The following PARP14 variants were observed in gnomAD, a reference collection of about 807,000 sequenced individuals.
The protein encoded by PARP14 is poly(ADP-ribose) polymerase family member 14, also known as protein mono-ADP-ribosyltransferase PARP14.
In PARP14, 59 loss-of-function variants were observed where a neutral mutation model predicts 154.2. The observed-to-expected ratio is 0.38, with a 90% CI of 0.31 to 0.48. The LOEUF (loss-of-function observed/expected upper bound fraction) is 0.48. Ranked by LOEUF, PARP14 falls within the 20% of genes least tolerant of loss-of-function variation. The probability of loss-of-function intolerance (pLI) is 0.98; values close to 1 mark genes in which losing one functional copy is unlikely to be tolerated. For missense variants in PARP14, 1,734 were observed against 2,131.6 expected (o/e 0.81, Z 3.67); for synonymous variants, 720 against 780.5 (o/e 0.92, Z 1.29).
intron 11 of PARP14, among the ~76,000 whole-genome samples, 148 bp from the exon 12 acceptor site, chr3:122,714,109 AAAGTT>A (rs1360846346): frequency 1.3e-5 from 2 of 152,234 alleles, no homozygotes; most frequent in Non-Finnish European, 2.9e-5. Context: ...AGTTAAAAGT[AAAGTT>A]AAGTCATAGC....
chr3:122,681,121 C>G lies in PARP14; in HGVS notation c.187+51C>G. ...GGAGGGGGCACCTCTGCCCTCCCTC[C>G]AGGGAAATGGCGGCAGGGCACGCAC... On this transcript the variant is annotated intron_variant, in intron 1 of 16. Coordinates refer to ENST00000474629, the MANE Select transcript of PARP14 (RefSeq NM_017554.3). This position sits in a 1 kb window ranked among gnomAD's most constrained non-coding sequence, Gnocchi z 5.5. 1 of 1,427,266 alleles carries G rather than the reference C, an allele frequency of 7.0e-7. No individual in the cohort carries two copies. Among genetic ancestry groups the G allele is most frequent in the South Asian group, 1.2e-5 (1 of 84,240 alleles). 88.4% of individuals were successfully genotyped at this position (1,427,266 alleles called of 1,614,324 possible).
chr3:122,723,007 C>T (rs927661186), intron 15 of PARP14, among the ~76,000 whole-genome samples: 1 of 151,668 alleles, frequency 6.6e-6, no homozygotes, highest in African/African-American at 2.4e-5. Context: ...GCGATCTTGG[C>T]TCACTGCAAC....
At chr3:122,689,226 C>G (rs1396392851) in intron 3 of PARP14, among the ~76,000 whole-genome samples, 1 of 152,212 alleles carries the variant, frequency 6.6e-6, no homozygotes, top group Non-Finnish European at 1.5e-5. Context: ...CTGGCTTCCT[C>G]ATTTCTCTTG....
chr3:122,708,524 G>A (rs1939230176), intron 9 of PARP14, among the ~76,000 whole-genome samples: 1 of 152,164 alleles, frequency 6.6e-6, no homozygotes, highest in African/African-American at 2.4e-5. Context: ...ATTTCCTGAG[G>A]AGAATGTGAC....
At chr3:122,686,399 C>T (rs1448551312) in intron 2 of PARP14, among the ~76,000 whole-genome samples, 1 of 152,180 alleles carries the variant, frequency 6.6e-6, no homozygotes, top group African/African-American at 2.4e-5. Context: ...ATGTGATCCA[C>T]TTGCCTTGGC....
intron 12 of PARP14, among the ~76,000 whole-genome samples, chr3:122,715,235 A>C (rs531369859): frequency 6.6e-6 from 1 of 152,078 alleles, no homozygotes; most frequent in Non-Finnish European, 1.5e-5. Flanking sequence ...ATGCATTCTT[A>C]GGCTTGAAGT....
At position 122,703,834 on chromosome 3, in the gene PARP14, C is replaced by T. The variant is rs753057524; in HGVS notation, c.3174C>T (p.Leu1058=). Residue 1058 remains leucine, a synonymous_variant, in exon 7 of 17, where the codon CTC becomes CTT. Transcript: ENST00000474629. ...KSLLEKAGPE[L]QEELDTVGQG... ...TCTTGGAAAAAGCTGGACCAGAGCT[C>T]CAGGAGGAATTGGACACAGTTGGAC... 65 of 1,613,802 alleles carry T rather than the reference C, an allele frequency of 4.0e-5. No individual in the cohort carries two copies. The highest frequency in any genetic ancestry group is 3.3e-4 in the Middle Eastern group (2 of 6,084).
At chr3:122,709,506 G>A (rs1054022559) in intron 9 of PARP14, among the ~76,000 whole-genome samples, 3 of 152,170 alleles carry the variant, frequency 2.0e-5, no homozygotes, top group African/African-American at 7.2e-5. Context: ...CTATAAACAT[G>A]TGTGTGTATG....
chr3:122,697,675 T>G (rs946492355), intron 5 of PARP14, among the ~76,000 whole-genome samples: 14 of 152,244 alleles, frequency 9.2e-5, no homozygotes, highest in Admixed American at 8.5e-4. Context: ...TACTGTAAAA[T>G]TATTTGGTTC....
In PARP14 at chr3:122,718,846, A is replaced by G; in HGVS notation, c.4695A>G (p.Lys1565=). ...AGGATGCAAGGAGAGAAAAGAAAAA[A>G]ACAGTTGATGTCAAAATTAATCATC... The part of the protein sequence containing the change: ...KLEDARREKK[K]TVDVKINHRH... Residue 1565 remains lysine, a synonymous_variant, in exon 14 of 17, where the codon AAA becomes AAG. Coordinates refer to ENST00000474629, the MANE Select transcript of PARP14 (RefSeq NM_017554.3). The G allele has an allele frequency of 6.2e-7, 1 of 1,614,026 alleles. No homozygotes were observed.
At position 122,726,561 on chromosome 3, in the gene PARP14, T is replaced by C. The variant is rs147412113; in HGVS notation, c.4942-1251T>C. On this transcript the variant is annotated intron_variant, in intron 15 of 16. Transcript: ENST00000474629. ...TCTGATAAAAGTAATCTACCCTGGCTAGACATCTGCTGCTAATAATAAACC... is the reference window on the plus strand; with the variant it reads ...TCTGATAAAAGTAATCTACCCTGGCCAGACATCTGCTGCTAATAATAAACC... Among the ~76,000 whole-genome samples, 15 of 152,340 alleles carry C rather than the reference T, an allele frequency of 9.8e-5. No individual in the cohort carries two copies. In the East Asian group the frequency reaches 2.9e-3, roughly 29 times the overall value.
At chr3:122,696,301 G>T (rs1229627576) in intron 5 of PARP14, among the ~76,000 whole-genome samples, 1 of 152,184 alleles carries the variant, frequency 6.6e-6, no homozygotes, top group Non-Finnish European at 1.5e-5. Context: ...GAATTAGGGG[G>T]CCAGGCTTCT....
chr3:122,697,297 C>T (rs528328307), intron 5 of PARP14, among the ~76,000 whole-genome samples: 3 of 152,282 alleles, frequency 2.0e-5, no homozygotes, highest in Admixed American at 6.5e-5. Context: ...TGCATAGCTT[C>T]GCAGGTTATT....
chr3:122,719,153 C>A (rs1171618047), intron 14 of PARP14, among the ~76,000 whole-genome samples, 195 bp downstream of exon 14: 1 of 152,162 alleles, frequency 6.6e-6, no homozygotes, highest in East Asian at 1.9e-4. Context: ...TACCCAAAAG[C>A]CTGAAGATGA....
At chr3:122,686,186 C>A (rs1393887030) in intron 2 of PARP14, among the ~76,000 whole-genome samples, 2 of 152,196 alleles carry the variant, frequency 1.3e-5, no homozygotes, top group East Asian at 3.8e-4. Context: ...CAGGGTCTCA[C>A]TCTGTTGCCC....
At chr3:122,693,254 G>A (rs1020134118) in intron 4 of PARP14, among the ~76,000 whole-genome samples, 3 of 152,172 alleles carry the variant, frequency 2.0e-5, no homozygotes, top group South Asian at 2.1e-4. Context: ...GCTCTTTAAG[G>A]TAATTGTCAG....
intron 9 of PARP14, 105 bp downstream of exon 9, chr3:122,708,373 G>C (rs1576593888): frequency 1.5e-6 from 1 of 648,774 alleles, no homozygotes; most frequent in East Asian, 2.7e-5. Flanking sequence ...AAAAATCAAT[G>C]AGTGACAAAT....
chr3:122,704,224 TA>T (rs1291051070), intron 7 of PARP14, among the ~76,000 whole-genome samples: 10 of 152,214 alleles, frequency 6.6e-5, no homozygotes, highest in Non-Finnish European at 1.5e-5. Context: ...TTACTGAAGA[TA>T]ATATTATTGC....
intron 9 of PARP14, among the ~76,000 whole-genome samples, chr3:122,711,950 T>C (rs112272495): frequency 6.6e-4 from 101 of 152,326 alleles, no homozygotes; most frequent in African/African-American, 2.2e-3. Context: ...CATTTCTAAT[T>C]GAGCTTATTT....
Sources: allele counts gnomAD v4.1 joint callset (sites outside exome capture counted in the v4.1 genomes callset), GRCh38; gene constraint gnomAD v4.1.1; non-coding constraint Gnocchi (gnomAD v3.1); transcripts MANE v1.5; gene names NCBI Gene and HGNC (gene_info 2026-07-23, HGNC 2026-07-21).